Variants in LRRC7 observed in about 807,000 individuals in gnomAD.
The protein encoded by LRRC7 is leucine rich repeat containing 7.
LRRC7 carries 23 observed loss-of-function variants against 175.7 expected under a neutral mutation model. The observed-to-expected ratio is 0.13, with a 90% CI of 0.09 to 0.19. The LOEUF (loss-of-function observed/expected upper bound fraction) is 0.19. Ranked by LOEUF, LRRC7 falls within the 10% of genes least tolerant of loss-of-function variation. The pLI is 1.00. For missense variants in LRRC7, 1,354 were observed against 1,904.7 expected (o/e 0.71, Z 5.38); for synonymous variants, 685 against 680.9 (o/e 1.01, Z -0.09).
intron 8 of LRRC7, among the ~76,000 whole-genome samples, chr1:69,975,003 A>T (rs1219891260): frequency 6.6e-6 from 1 of 152,252 alleles, no homozygotes; most frequent in African/African-American, 2.4e-5. Flanking sequence ...CAGATTATTT[A>T]TCCATAAAGT....
chr1:69,903,119 G>T (rs758039087), intron 7 of LRRC7, among the ~76,000 whole-genome samples: 2 of 152,122 alleles, frequency 1.3e-5, no homozygotes, highest in Non-Finnish European at 2.9e-5. Flanking sequence ...TCCTGGTCAG[G>T]GCCAATCAGA....
At chr1:70,064,296 A>G (rs1661799532) in intron 23 of LRRC7, among the ~76,000 whole-genome samples, 1 of 152,042 alleles carries the variant, frequency 6.6e-6, no homozygotes, top group African/African-American at 2.4e-5. Flanking sequence ...GTTCAGCTTA[A>G]TAGGTTGTTA....
At chr1:69,871,154 G>A (rs1685491388) in intron 7 of LRRC7, among the ~76,000 whole-genome samples, 1 of 151,996 alleles carries the variant, frequency 6.6e-6, no homozygotes, top group Non-Finnish European at 1.5e-5. Context: ...AAAGATTTAT[G>A]TATTGATCAC....
At chr1:69,641,218 T>G (rs1368944522) in intron 1 of LRRC7, among the ~76,000 whole-genome samples, 2 of 151,680 alleles carry the variant, frequency 1.3e-5, no homozygotes, top group African/African-American at 4.8e-5. Flanking sequence ...ATATATTTAT[T>G]CCACTTACAT....
intron 1 of LRRC7, among the ~76,000 whole-genome samples, chr1:69,594,948 C>G (rs1404563558): frequency 6.6e-6 from 1 of 152,056 alleles, no homozygotes; most frequent in African/African-American, 2.4e-5. Flanking sequence ...TTTCATCAGT[C>G]CCTTTTATTA....
chr1:69,589,032 T>C (rs975118667), intron 1 of LRRC7, among the ~76,000 whole-genome samples: 4 of 148,664 alleles, frequency 2.7e-5, no homozygotes, highest in African/African-American at 1.0e-4. Context: ...GTAATATACA[T>C]GTAATATACA....
At chr1:69,616,008 A>G (rs1213948898) in intron 1 of LRRC7, among the ~76,000 whole-genome samples, 1 of 152,066 alleles carries the variant, frequency 6.6e-6, no homozygotes, top group African/African-American at 2.4e-5. Flanking sequence ...AATTTACTCT[A>G]ATGAAAAAGA....
intron 7 of LRRC7, among the ~76,000 whole-genome samples, chr1:69,846,949 G>C (rs1036090430): frequency 6.6e-6 from 1 of 151,796 alleles, no homozygotes. Flanking sequence ...TGATGCTAAC[G>C]TGCCTTTCTT....
chr1:69,651,794 T>C (rs11209507), intron 1 of LRRC7, among the ~76,000 whole-genome samples: 15,858 of 151,926 alleles, frequency 0.1, 984 homozygotes, highest in African/African-American at 0.18. Context: ...GAGTGGAACA[T>C]GCATGTAAAG....
chr1:69,717,309 C>CA (rs1018917569), intron 2 of LRRC7, among the ~76,000 whole-genome samples: 8 of 151,062 alleles, frequency 5.3e-5, no homozygotes, highest in Admixed American at 1.3e-4. Context: ...AGTACAGATT[C>CA]AAAAAAAATT....
At chr1:69,632,230 T>A (rs894464591) in intron 1 of LRRC7, among the ~76,000 whole-genome samples, 2 of 152,124 alleles carry the variant, frequency 1.3e-5, no homozygotes, top group African/African-American at 4.8e-5. Context: ...CCTCCAGCAA[T>A]GATCACATTA....
intron 3 of LRRC7, among the ~76,000 whole-genome samples, chr1:69,781,924 G>GAAAGAAAGAAAA (rs776891138): frequency 0.017 from 2,322 of 139,428 alleles, 78 homozygotes; most frequent in Non-Finnish European, 0.026. Context: ...AAGAAAGAAA[G>GAAAGAAAGAAAA]AAAGAAAGAA....
rs185586517 is a variant in LRRC7, at chr1:70,016,244, T to G, written c.1251-221T>G. On this transcript the variant is annotated intron_variant, in intron 13 of 26. Transcript: ENST00000651989. ...GGCCAGACCTTTTAAGCTCTAACCA[T>G]ACATGTTAAACATTTTTTATTTTTA... Among the ~76,000 whole-genome samples the G allele has an allele frequency of 5.0e-4, 76 of 152,292 alleles. No homozygotes were observed. The East Asian group carries it at 0.01, about 21-fold the overall frequency.
chr1:69,925,353 T>G (rs1250191778), intron 7 of LRRC7, among the ~76,000 whole-genome samples: 10 of 152,182 alleles, frequency 6.6e-5, no homozygotes, highest in African/African-American at 2.4e-4. Flanking sequence ...TTCTATTGAT[T>G]GGAATAGTTT....
At chr1:70,070,312 T>C (rs1417196173) in intron 23 of LRRC7, among the ~76,000 whole-genome samples, 1 of 152,224 alleles carries the variant, frequency 6.6e-6, no homozygotes, top group African/African-American at 2.4e-5. Context: ...TGAGACTTTA[T>C]ATTTCTTTGC....
In LRRC7 at chr1:69,620,190, T is replaced by C. The variant is rs529710609; in HGVS notation, c.2+51549T>C. On this transcript the variant is annotated intron_variant, in intron 1 of 26. Coordinates refer to ENST00000651989, the MANE Select transcript of LRRC7 (RefSeq NM_001370785.2). The stretch of plus-strand genomic sequence containing the variant: ...ACATTCTTCTCACTATTTTTTTCTT[T>C]TAGAAACCGTAGCCACTTTGATTAA... 3.2e-4 allele frequency among the ~76,000 whole-genome samples: 48 copies of C among 152,296 alleles called. 1 individual carries two copies. The South Asian group carries it at 9.3e-3, about 30-fold the overall frequency.
chr1:69,587,967 T>C (rs1646471729), intron 1 of LRRC7, among the ~76,000 whole-genome samples: 4 of 152,184 alleles, frequency 2.6e-5, no homozygotes, highest in African/African-American at 7.2e-5. Context: ...CTATGTGCAT[T>C]TGATATTCTG....
At chr1:69,662,272 AAAAT>A (rs1290304385) in intron 1 of LRRC7, among the ~76,000 whole-genome samples, 2 of 152,138 alleles carry the variant, frequency 1.3e-5, no homozygotes, top group Non-Finnish European at 2.9e-5. Flanking sequence ...CAATCATTTA[AAAAT>A]AAATATTTAA....
At chr1:69,772,226 G>T (rs1672324315) in intron 3 of LRRC7, among the ~76,000 whole-genome samples, 1 of 152,122 alleles carries the variant, frequency 6.6e-6, no homozygotes, top group African/African-American at 2.4e-5. Context: ...CCTAAAAAAT[G>T]ATCTTTTGTG....
Sources: allele counts gnomAD v4.1 joint callset (sites outside exome capture counted in the v4.1 genomes callset), GRCh38; gene constraint gnomAD v4.1.1; transcripts MANE v1.5; gene names NCBI Gene and HGNC (gene_info 2026-07-23, HGNC 2026-07-21).